SYN2: variants seen among roughly 807,000 people sequenced by gnomAD.
SYN2 encodes the protein synapsin II, also known as synapsin-2.
In SYN2, 19 loss-of-function variants were observed where a neutral mutation model predicts 50.9. That is an observed-to-expected ratio of 0.37 (90% CI 0.26 to 0.55). The LOEUF (loss-of-function observed/expected upper bound fraction) is 0.55. Among genes scored for constraint, SYN2 ranks in the 20% least tolerant of loss-of-function variants. SYN2 has a pLI of 0.81. For missense variants in SYN2, 587 were observed against 576.4 expected (o/e 1.02, Z -0.19); for synonymous variants, 255 against 224.9 (o/e 1.13, Z -1.20).
Position 12,145,823 on chromosome 3 carries a change from C to T in SYN2, c.672C>T (p.Asp224=). 1.2e-6 allele frequency: 2 copies of T among 1,613,932 alleles called. No individual in the cohort carries two copies. Among genetic ancestry groups the T allele is most frequent in the Non-Finnish European group, 1.7e-6 (2 of 1,179,862 alleles). ...NSLESIYNFC[D]KPWVFAQLVA... is the part of the protein sequence containing the mutation. ...TGGAATCCATATACAACTTCTGTGA[C>T]AAGCCATGGGTGGTGAGTGAGGCCC... Residue 224 remains aspartate (D), a synonymous_variant, in exon 4 of 13, where the codon GAC becomes GAT. Transcript: ENST00000621198.
At chr3:12,083,464 T>C (rs998109601) in intron 1 of SYN2, among the ~76,000 whole-genome samples, 2 of 152,154 alleles carry the variant, frequency 1.3e-5, no homozygotes, top group Non-Finnish European at 2.9e-5. Flanking sequence ...GGAACTGCAG[T>C]GGTGAGGAAT....
At chr3:12,019,104 G>C (rs914304033) in intron 1 of SYN2, among the ~76,000 whole-genome samples, 8 of 152,168 alleles carry the variant, frequency 5.3e-5, no homozygotes, top group African/African-American at 9.7e-5. Flanking sequence ...AGATGTGAAC[G>C]TGTTTTCTGA....
chr3:12,095,522 TG>T, intron 1 of SYN2, among the ~76,000 whole-genome samples: 1 of 109,374 alleles, frequency 9.1e-6, no homozygotes, highest in East Asian at 2.9e-4. Flanking sequence ...CACTCCAGCC[TG>T]GGCGACAAAG....
chr3:12,107,574 C>T (rs1696221443), intron 1 of SYN2, among the ~76,000 whole-genome samples: 1 of 152,042 alleles, frequency 6.6e-6, no homozygotes, highest in East Asian at 1.9e-4. Flanking sequence ...CGAGATGACT[C>T]ATGTGGAGGC....
intron 5 of SYN2, among the ~76,000 whole-genome samples, chr3:12,159,751 CAAAG>C (rs1393339053): frequency 4.6e-5 from 7 of 152,138 alleles, no homozygotes; most frequent in Admixed American, 1.3e-4. Context: ...GCTTAGAAAA[CAAAG>C]AAGCAGGCTG....
chr3:12,113,217 A>G (rs1283477296), intron 1 of SYN2, among the ~76,000 whole-genome samples: 5 of 152,178 alleles, frequency 3.3e-5, no homozygotes, highest in Non-Finnish European at 7.4e-5. Flanking sequence ...TTTTTCCACC[A>G]AAGTATTCCT....
At chr3:12,012,072 TTTG>T (rs1340331956) in intron 1 of SYN2, among the ~76,000 whole-genome samples, 6 of 152,188 alleles carry the variant, frequency 3.9e-5, no homozygotes, top group Non-Finnish European at 5.9e-5. Flanking sequence ...GAATCTTCTT[TTTG>T]TTGTTGTTAT....
At chr3:12,132,000 C>CT (rs988132684) in intron 1 of SYN2, among the ~76,000 whole-genome samples, 15 of 149,452 alleles carry the variant, frequency 1.0e-4, no homozygotes, top group African/African-American at 2.9e-4. Flanking sequence ...TTTTCTTTTT[C>CT]TTTTTTTTCC....
At chr3:12,028,503 G>T (rs1443944866) in intron 1 of SYN2, among the ~76,000 whole-genome samples, 2 of 149,694 alleles carry the variant, frequency 1.3e-5, no homozygotes, top group Middle Eastern at 3.4e-3. Context: ...CAGTGTAAAA[G>T]TGTTCCTATT....
At chr3:12,077,767 G>A (rs545526420) in intron 1 of SYN2, among the ~76,000 whole-genome samples, 37 of 152,280 alleles carry the variant, frequency 2.4e-4, no homozygotes, top group African/African-American at 7.5e-4. Context: ...TGTGAATAGT[G>A]TTGCAATGAA....
intron 6 of SYN2, 45 bp downstream of exon 6, chr3:12,161,653 G>T: frequency 6.2e-7 from 1 of 1,607,680 alleles, no homozygotes; most frequent in South Asian, 1.1e-5. Context: ...AACCAAGAAG[G>T]GCAGTTTTCA....
At chr3:12,059,162 C>T (rs1695060211) in intron 1 of SYN2, among the ~76,000 whole-genome samples, 1 of 152,156 alleles carries the variant, frequency 6.6e-6, no homozygotes, top group Admixed American at 6.6e-5. Context: ...GCAAGGAGGA[C>T]CAGGCAGCTA....
At chr3:12,077,446 G>A (rs1017532249) in intron 1 of SYN2, among the ~76,000 whole-genome samples, 3 of 152,068 alleles carry the variant, frequency 2.0e-5, no homozygotes, top group Non-Finnish European at 4.4e-5. Context: ...GCATGCATTA[G>A]CTATTTTTCC....
chr3:12,131,651 C>CTTT (rs60176639), intron 1 of SYN2, among the ~76,000 whole-genome samples: 36 of 147,840 alleles, frequency 2.4e-4, no homozygotes, highest in Admixed American at 1.6e-3. Flanking sequence ...TTACAGGATT[C>CTTT]TTTTTTTTTT....
chr3:12,063,487 A>T (rs1424217084), intron 1 of SYN2, among the ~76,000 whole-genome samples: 1 of 152,052 alleles, frequency 6.6e-6, no homozygotes, highest in African/African-American at 2.4e-5. Flanking sequence ...TGAACAATTA[A>T]GTAAATGGAT....
At chr3:12,150,599 T>C (rs868516909) in intron 4 of SYN2, among the ~76,000 whole-genome samples, 1 of 152,174 alleles carries the variant, frequency 6.6e-6, no homozygotes. Flanking sequence ...TTCCAGTTTC[T>C]CATATGTAGG....
chr3:12,163,478 A>G (rs1697707349), intron 7 of SYN2, among the ~76,000 whole-genome samples: 1 of 144,952 alleles, frequency 6.9e-6, no homozygotes, highest in Non-Finnish European at 1.5e-5. Flanking sequence ...CTCCTGTCCC[A>G]TACCACCCTT....
intron 5 of SYN2, chr3:12,157,536 C>G (rs1697494283): frequency 6.4e-7 from 1 of 1,552,374 alleles, no homozygotes; most frequent in African/African-American, 1.4e-5. Flanking sequence ...GGCAATACAC[C>G]TGAGGTCTGG....
chr3:12,132,857 T>C (rs929158502), intron 1 of SYN2, among the ~76,000 whole-genome samples: 3 of 152,242 alleles, frequency 2.0e-5, no homozygotes, highest in Non-Finnish European at 4.4e-5. Flanking sequence ...CTCACAGGAC[T>C]GTCTTCAGGA....
Sources: allele counts gnomAD v4.1 joint callset (sites outside exome capture counted in the v4.1 genomes callset), GRCh38; gene constraint gnomAD v4.1.1; transcripts MANE v1.5; gene names NCBI Gene and HGNC (gene_info 2026-07-23, HGNC 2026-07-21).